The following FKBP10 variants were observed in gnomAD, a reference collection of about 807,000 sequenced individuals.
The protein encoded by FKBP10 is FKBP prolyl isomerase 10.
A neutral mutation model predicts 53.7 loss-of-function variants in FKBP10; 34 were observed. The ratio of observed to expected loss-of-function variants is 0.63; its 90% CI spans 0.48 to 0.84. The LOEUF (loss-of-function observed/expected upper bound fraction) is 0.84. FKBP10 is among the 40% of genes least tolerant of loss of function. FKBP10 has a pLI of 0.00. For synonymous variants in FKBP10, 324 were observed against 335.7 expected (o/e 0.97, Z 0.38); for missense variants, 748 against 797.8 (o/e 0.94, Z 0.75).
At chr17:41,821,248 G>A (rs571466706) in intron 8 of FKBP10, among the ~76,000 whole-genome samples, 159 bp downstream of exon 8, 12 of 149,806 alleles carry the variant, frequency 8.0e-5, no homozygotes, top group Non-Finnish European at 1.3e-4. Context: ...TCAGCCTCCC[G>A]AGTAGCTGGG....
rs144720393 is a variant in FKBP10, at chr17:41,818,517, G to A, written c.717G>A (p.Glu239=). The change falls in exon 4 of 10, where the codon GAG becomes GAA. Residue 239 remains glutamate, a synonymous_variant. Transcript: ENST00000321562. The stretch of plus-strand genomic sequence containing the variant: ...TCCCTCCATTCCTGGCCTATGGCGA[G>A]AAAGGCTATGGTGAGGGTGGGCAAG... ...IIIPPFLAYG[E]KGYGTVIPPQ... is the part of the protein sequence containing the mutation. 1.1e-5 allele frequency: 18 copies of A among 1,614,052 alleles called. No individual in the cohort carries two copies. Among genetic ancestry groups the A allele is most frequent in the Non-Finnish European group, 1.5e-5 (18 of 1,180,038 alleles).
chr17:41,813,028 A>T lies in FKBP10; in HGVS notation c.-7A>T. The T allele has an allele frequency of 1.2e-6, 2 of 1,609,518 alleles. No individual in the cohort carries two copies. The highest frequency in any genetic ancestry group is 1.7e-6 in the Non-Finnish European group (2 of 1,179,474). On this transcript the variant is annotated 5_prime_UTR_variant, in exon 1 of 10. Transcript: ENST00000321562. ...CCTCACTGCCGGCGGTCCCAACTCC[A>T]GGCACCATGTTCCCCGCGGGCCCCC...
At chr17:41,820,615 G>C (rs1337657605) in intron 7 of FKBP10, 154 bp downstream of exon 7, 2 of 810,404 alleles carry the variant, frequency 2.5e-6, no homozygotes, top group Non-Finnish European at 4.0e-6. Flanking sequence ...TCCCCATCTC[G>C]GAGCATGTCG....
intron 1 of FKBP10, 117 bp from the exon 2 acceptor site, chr17:41,816,941 G>A (rs752330784): frequency 4.9e-5 from 71 of 1,452,616 alleles, no homozygotes; most frequent in Non-Finnish European, 6.2e-5. Flanking sequence ...ATCCACACCT[G>A]GCTATAGGGA....
In FKBP10 at chr17:41,822,459, G is replaced by T; in HGVS notation, c.*51G>T. 1 of 1,551,248 alleles carries T rather than the reference G, an allele frequency of 6.4e-7. No homozygotes were observed. The highest frequency in any genetic ancestry group is 2.4e-5 in the East Asian group (1 of 41,838). The stretch of plus-strand genomic sequence containing the variant: ...AGACACAGAGGCCCACTGCGAGGGG[G>T]ACAGTGGCGGTGGGACTGACCTGCT... On this transcript the variant is annotated 3_prime_UTR_variant, in exon 10 of 10. Transcript: ENST00000321562.
Position 41,813,071 on chromosome 17 carries a change from C to CAGCA in FKBP10, c.37_38insAGCA (p.Arg13GlnfsTer63). Reference sequence around the variant, plus strand: ...GGGCCCCCCCAGCCACAGCCTCCTCCGGCTCCCCCTGCTGCAGTTGCTGCT... The same window carrying CAGCA: ...GGGCCCCCCCAGCCACAGCCTCCTCCAGCAGGCTCCCCCTGCTGCAGTTGCTGCT... On this transcript the variant is annotated frameshift_variant, in exon 1 of 10. Coordinates refer to ENST00000321562, the MANE Select transcript of FKBP10 (RefSeq NM_021939.4). LOFTEE classifies it high-confidence loss of function. 1 of 1,610,538 alleles carries CAGCA rather than the reference C, an allele frequency of 6.2e-7. No individual in the cohort carries two copies. The highest frequency in any genetic ancestry group is 8.5e-7 in the Non-Finnish European group (1 of 1,179,694).
rs782676847 is a variant in FKBP10 at position 41,818,202 on chromosome 17, C to T, written c.505C>T (p.Arg169Cys). The T allele has an allele frequency of 3.1e-6, 5 of 1,613,674 alleles. No individual in the cohort carries two copies. The highest frequency in any genetic ancestry group is 2.2e-5 in the South Asian group (2 of 91,088). The change falls in exon 3 of 10, where the codon CGC (arginine) becomes TGC (cysteine). Residue 169 changes from arginine (R) to cysteine (C), a missense_variant. Physicochemically the swap from Arg to Cys is radical, Grantham distance 180. Transcript: ENST00000321562. Reference protein sequence around the residue: ...STLLRPPHCPRMVQDGDFVRY... With the variant: ...STLLRPPHCPCMVQDGDFVRY... ...ATTGCTGCGCCCGCCCCACTGCCCCCGCATGGTCCAGGACGGCGACTTTGT... is the reference window on the plus strand; with the variant it reads ...ATTGCTGCGCCCGCCCCACTGCCCCTGCATGGTCCAGGACGGCGACTTTGT...
chr17:41,817,169 G>A lies in FKBP10; in HGVS notation c.357G>A (p.Val119=), dbSNP rs576914393. 1.2e-6 allele frequency: 2 copies of A among 1,613,794 alleles called. No homozygotes were observed. Among genetic ancestry groups the A allele is most frequent in the Non-Finnish European group, 1.7e-6 (2 of 1,180,050 alleles). Residue 119 remains valine, a synonymous_variant, in exon 2 of 10, where the codon GTG becomes GTA. Coordinates refer to ENST00000321562, the MANE Select transcript of FKBP10 (RefSeq NM_021939.4). ...MCVNERRRLI[V]PPHLGYGSIG... ...TCAACGAGCGGCGACGCCTCATTGT[G>A]CCTCCCCACCTGGGCTATGGGAGCA...
At position 41,813,244 on chromosome 17, in the gene FKBP10, CG is replaced by C; in HGVS notation, c.212del (p.Gly71AlafsTer88). ...GGGATTTTGTGCGCTACCACTACAA[CG>C]GCACTTTTGAAGATGGCAAGAAGTT... ...MGDFVRYHYNGTFEDGKKFDS... is the reference protein window; with the variant it reads ...MGDFVRYHYNXTFEDGKKFDS... On this transcript the variant is annotated frameshift_variant, in exon 1 of 10. Transcript: ENST00000321562. LOFTEE classifies it high-confidence loss of function. 1.2e-6 allele frequency: 2 copies of C among 1,613,840 alleles called. No individual in the cohort carries two copies. Among genetic ancestry groups the C allele is most frequent in the African/African-American group, 2.7e-5 (2 of 75,068 alleles).
chr17:41,814,909 G>C (rs1319764553), intron 1 of FKBP10, among the ~76,000 whole-genome samples: 1 of 151,876 alleles, frequency 6.6e-6, no homozygotes, highest in Non-Finnish European at 1.5e-5. Flanking sequence ...ATTTTTGTTT[G>C]TTTGTTTGTT....
chr17:41,821,877 C>G lies in FKBP10; in HGVS notation c.1563+60C>G, dbSNP rs1294047447. On this transcript the variant is annotated intron_variant, in intron 9 of 9. Coordinates refer to ENST00000321562, the MANE Select transcript of FKBP10 (RefSeq NM_021939.4). ...CGCAATCCCCGCACCCAGGAAGCAT[C>G]GAGGAAGAAGACGTCCCCCGTCCGG... is the stretch of plus-strand genomic sequence containing the variant. 2.5e-6 allele frequency: 4 copies of G among 1,607,088 alleles called. No individual in the cohort carries two copies. The Admixed American group carries it at 5.0e-5, about 20-fold the overall frequency.
intron 6 of FKBP10, 24 bp downstream of exon 6, chr17:41,819,699 C>T (rs781841139): frequency 1.2e-5 from 19 of 1,584,744 alleles, no homozygotes; most frequent in Non-Finnish European, 1.5e-5. Flanking sequence ...CCAGCCACCA[C>T]CTCAGCTCCT....
At chr17:41,817,447 T>C (rs1203060211) in intron 2 of FKBP10, among the ~76,000 whole-genome samples, 1 of 151,574 alleles carries the variant, frequency 6.6e-6, no homozygotes, top group Non-Finnish European at 1.5e-5. Context: ...CTAGGCAACA[T>C]AGTGAGACCT....
At position 41,820,399 on chromosome 17, in the gene FKBP10, T is replaced by C; in HGVS notation, c.1194T>C (p.Leu398=). 4.3e-6 allele frequency: 7 copies of C among 1,612,608 alleles called. No individual in the cohort carries two copies. The highest frequency in any genetic ancestry group is 5.9e-6 in the Non-Finnish European group (7 of 1,179,464). The change falls in exon 7 of 10, where the codon CTT becomes CTC. Residue 398 remains leucine, a synonymous_variant. Coordinates refer to ENST00000321562, the MANE Select transcript of FKBP10 (RefSeq NM_021939.4). The stretch of plus-strand genomic sequence containing the variant: ...AGACCTGCAATGAGACCACCAAGCT[T>C]GGGGACTTTGTTCGATACCATTACA... ...PSETCNETTK[L]GDFVRYHYNC...
intron 4 of FKBP10, 24 bp from the exon 5 acceptor site, chr17:41,819,186 G>C (rs782467037): frequency 6.2e-7 from 1 of 1,613,806 alleles, no homozygotes. Context: ...CAATTTTATG[G>C]TTCAAGCCCT....
At position 41,822,557 on chromosome 17, in the gene FKBP10, T is replaced by A. The variant is rs1597911349; in HGVS notation, c.*149T>A. On this transcript the variant is annotated 3_prime_UTR_variant, in exon 10 of 10. Transcript: ENST00000321562. Reference sequence around the variant, plus strand: ...ACAATGGCAGAGGAGACATCTCTGGTGTTCCCACCACCCTAGATGAAAATC... The same window carrying A: ...ACAATGGCAGAGGAGACATCTCTGGAGTTCCCACCACCCTAGATGAAAATC... 1 of 831,046 alleles carries A rather than the reference T, an allele frequency of 1.2e-6. No individual in the cohort carries two copies. The highest frequency in any genetic ancestry group is 1.5e-5 in the South Asian group (1 of 67,970). The allele number at this position is 831,046 out of a possible 1,614,324, so 51.5% of individuals were successfully genotyped here. A position where few individuals can be genotyped will look rare whatever the true frequency, so the allele number is the denominator to read the frequency against.
chr17:41,814,913 G>T (rs1376108038), intron 1 of FKBP10, among the ~76,000 whole-genome samples: 2 of 151,894 alleles, frequency 1.3e-5, no homozygotes, highest in Non-Finnish European at 2.9e-5. Context: ...TTGTTTGTTT[G>T]TTTGTTTTTG....
chr17:41,821,685 G>T lies in FKBP10; in HGVS notation c.1431G>T (p.Leu477=). 1 of 1,614,068 alleles carries T rather than the reference G, an allele frequency of 6.2e-7. No homozygotes were observed. Among genetic ancestry groups the T allele is most frequent in the Non-Finnish European group, 8.5e-7 (1 of 1,180,014 alleles). ...ARGVPGSAVL[L]FEVELVSRED... ...GAGTCCCAGGCAGTGCTGTGCTGCT[G>T]TTTGAGGTGGAGCTGGTGTCCCGGG... The change falls in exon 9 of 10, where the codon CTG becomes CTT. Residue 477 remains leucine (L), a synonymous_variant. Transcript: ENST00000321562.
intron 1 of FKBP10, among the ~76,000 whole-genome samples, chr17:41,813,922 C>T (rs1371649610): frequency 8.5e-5 from 13 of 152,198 alleles, no homozygotes; most frequent in African/African-American, 3.1e-4. Context: ...TCATTCCTCC[C>T]TCTCTGGTTC....
Sources: gnomAD v4.1 joint callset for allele counts (sites outside exome capture counted in the v4.1 genomes callset) on GRCh38, gnomAD v4.1.1 for gene constraint, MANE v1.5 for transcripts, NCBI Gene and HGNC (gene_info 2026-07-23, HGNC 2026-07-21) for gene names.